Variants in CLHC1 observed in about 807,000 individuals in gnomAD.
CLHC1 encodes clathrin heavy chain linker domain containing 1, also known as clathrin heavy chain linker domain-containing protein 1.
CLHC1 carries 72 observed loss-of-function variants against 69.5 expected under a neutral mutation model. That is an observed-to-expected ratio of 1.04 (90% CI 0.86 to 1.26). CLHC1 has a LOEUF of 1.26. Among genes scored for constraint, CLHC1 ranks in the 50% most tolerant of loss-of-function variants. CLHC1 has a pLI of 0.00. For synonymous variants in CLHC1, 223 were observed against 224.3 expected, an observed-to-expected ratio of 0.99 and a Z score of 0.05; for missense variants, 790 against 679.3, an observed-to-expected ratio of 1.16 and a Z score of -1.81.
chr2:55,216,251 A>G (rs1326421997), intron 4 of CLHC1: 1 of 151,394 alleles, frequency 6.6e-6, no homozygotes, highest in African/African-American at 2.4e-5. Flanking sequence ...CCAAGATCAC[A>G]CCATTGCACT....
At position 55,222,465 on chromosome 2, in the gene CLHC1, C is replaced by T; in HGVS notation, c.-54G>A. 7.1e-7 allele frequency: 1 copy of T among 1,414,682 alleles called. No homozygotes were observed. The highest frequency in any genetic ancestry group is 1.4e-5 in the South Asian group (1 of 69,704). The allele number at this position is 1,414,682 out of a possible 1,614,324, so 87.6% of individuals were successfully genotyped here. ...AAGAACAGCTAAATCTTGACCTGCT[C>T]TTGCAACAAAGCCAAAACTTTGATA... is the stretch of plus-strand genomic sequence containing the variant. On this transcript the variant is annotated 5_prime_UTR_variant, in exon 3 of 13. Transcript: ENST00000401408.
At chr2:55,179,904 C>T (rs750413707) in intron 11 of CLHC1, among the ~76,000 whole-genome samples, 63 of 152,246 alleles carry the variant, frequency 4.1e-4, no homozygotes, top group Non-Finnish European at 2.2e-4. Context: ...TCTGCAATCC[C>T]AGCACTTTGA....
intron 9 of CLHC1, among the ~76,000 whole-genome samples, chr2:55,191,853 G>T (rs1465048570): frequency 6.6e-6 from 1 of 151,958 alleles, no homozygotes; most frequent in African/African-American, 2.4e-5. Context: ...CACCAGTGAA[G>T]TGTGGTGGTG....
intron 9 of CLHC1, among the ~76,000 whole-genome samples, chr2:55,189,426 A>T (rs903889695): frequency 6.6e-6 from 1 of 152,232 alleles, no homozygotes; most frequent in Non-Finnish European, 1.5e-5. Flanking sequence ...AAATATATAA[A>T]ATAACAGCCT....
At chr2:55,193,051 C>T (rs559165335) in intron 9 of CLHC1, among the ~76,000 whole-genome samples, 18 of 71,494 alleles carry the variant, frequency 2.5e-4, no homozygotes, top group Admixed American at 1.4e-3. Flanking sequence ...CCACCACACC[C>T]GGCGGCTAAT....
At chr2:55,200,113 A>G (rs988504331) in intron 9 of CLHC1, among the ~76,000 whole-genome samples, 1 of 151,488 alleles carries the variant, frequency 6.6e-6, no homozygotes, top group Non-Finnish European at 1.5e-5. Context: ...GATCCCAGCT[A>G]CTTGACAGGG....
chr2:55,191,873 A>G (rs934274908), intron 9 of CLHC1, among the ~76,000 whole-genome samples: 1 of 152,124 alleles, frequency 6.6e-6, no homozygotes, highest in Non-Finnish European at 1.5e-5. Context: ...GTGGTGGTGC[A>G]CACCTGCACT....
chr2:55,223,482 G>A (rs1674367168), intron 2 of CLHC1, among the ~76,000 whole-genome samples: 1 of 152,108 alleles, frequency 6.6e-6, no homozygotes, highest in Non-Finnish European at 1.5e-5. Context: ...GGCACCTCCC[G>A]CTCGCCGGGA....
chr2:55,217,563 A>ATG (rs1199531132), intron 4 of CLHC1, among the ~76,000 whole-genome samples: 5 of 95,654 alleles, frequency 5.2e-5, no homozygotes, highest in African/African-American at 6.3e-5. Context: ...ATATATATAT[A>ATG]TATATATATA....
rs114568702 is a variant in CLHC1, at chr2:55,172,634, T to C, written c.*3156A>G. Among the ~76,000 whole-genome samples the C allele has an allele frequency of 0.011, 1,672 of 151,920 alleles. 16 individuals are homozygous for C. Among genetic ancestry groups the C allele is most frequent in the Non-Finnish European group, 0.018 (1,218 of 67,962 alleles). ...GACAGCTTTATACACCGAACATTTG[T>C]TAAATGCCATTTTTTTCTGAGAAAG... On this transcript the variant is annotated 3_prime_UTR_variant, in exon 13 of 13. Transcript: ENST00000401408.
intron 2 of CLHC1, among the ~76,000 whole-genome samples, 195 bp from the exon 3 acceptor site, chr2:55,222,688 G>A (rs1674256142): frequency 1.3e-5 from 2 of 152,048 alleles, no homozygotes; most frequent in African/African-American, 4.8e-5. Flanking sequence ...GGGAGGCCGA[G>A]GCAGGTGGAT....
rs866019520 is a variant in CLHC1 at position 55,216,380 on chromosome 2, T to C, written c.365+1431A>G. The stretch of plus-strand genomic sequence containing the variant: ...GAAAATATAAGACTACTTAACAAGA[T>C]TGAGCATCTTATCCTCTCCCAGTAG... On this transcript the variant is annotated intron_variant, in intron 4 of 12. Coordinates refer to ENST00000401408, the MANE Select transcript of CLHC1 (RefSeq NM_152385.4). Among the ~76,000 whole-genome samples the C allele has an allele frequency of 5.3e-5, 8 of 152,106 alleles. No individual in the cohort carries two copies. In the South Asian group the frequency reaches 1.0e-3, roughly 20 times the overall value.
At chr2:55,223,251 T>A (rs1252041168) in intron 2 of CLHC1, among the ~76,000 whole-genome samples, 4 of 152,200 alleles carry the variant, frequency 2.6e-5, no homozygotes, top group African/African-American at 9.6e-5. Context: ...TTTATTTTTA[T>A]AATAAACTTT....
chr2:55,180,430 G>A, intron 11 of CLHC1, 80 bp downstream of exon 11: 1 of 980,682 alleles, frequency 1.0e-6, no homozygotes. Flanking sequence ...TAAGTTTAAA[G>A]TAGTGCTTGC....
In CLHC1 at chr2:55,180,644, G is replaced by C; in HGVS notation, c.1250C>G (p.Ala417Gly). 1 of 1,613,956 alleles carries C rather than the reference G, an allele frequency of 6.2e-7. No homozygotes were observed. Among genetic ancestry groups the C allele is most frequent in the Non-Finnish European group, 8.5e-7 (1 of 1,179,904 alleles). The change falls in exon 11 of 13, where the codon GCC (alanine) becomes GGC (glycine). Residue 417 changes from alanine to glycine, a missense_variant. Coordinates refer to ENST00000401408, the MANE Select transcript of CLHC1 (RefSeq NM_152385.4). The part of the protein sequence containing the change: ...DYGEQDTYNK[A>G]KCLALAQIVY... The stretch of plus-strand genomic sequence containing the variant: ...AATCTGAGCTAAAGCCAGGCACTTG[G>C]CCTTGTTATAAGTATCCTGCTCCCC...
intron 3 of CLHC1, chr2:55,218,742 T>A (rs1209508939): frequency 6.6e-6 from 1 of 152,196 alleles, no homozygotes; most frequent in Non-Finnish European, 1.5e-5. Context: ...TAAACATTTT[T>A]AAATAAGTCA....
intron 11 of CLHC1, 30 bp from the exon 12 acceptor site, chr2:55,177,811 A>C: frequency 6.6e-7 from 1 of 1,515,148 alleles, no homozygotes; most frequent in Non-Finnish European, 9.0e-7. Context: ...AGTTTATCTC[A>C]ATGTCCTAAT....
At chr2:55,205,602 T>TA (rs767865897) in intron 9 of CLHC1, 2 of 152,178 alleles carry the variant, frequency 1.3e-5, no homozygotes, top group Non-Finnish European at 2.9e-5. Flanking sequence ...TGTCAAAACT[T>TA]ACCAAATTGG....
At chr2:55,208,605 T>C in intron 8 of CLHC1, 21 bp downstream of exon 8, 2 of 1,478,466 alleles carry the variant, frequency 1.4e-6, no homozygotes, top group Non-Finnish European at 1.9e-6. Flanking sequence ...TCTGAAAAAT[T>C]AAAGCTTTTA....
Sources: allele counts gnomAD v4.1 joint callset (sites outside exome capture counted in the v4.1 genomes callset), GRCh38; gene constraint gnomAD v4.1.1; transcripts MANE v1.5; gene names NCBI Gene and HGNC (gene_info 2026-07-23, HGNC 2026-07-21).